Variants in THAP6 observed in about 807,000 individuals in gnomAD.
THAP6 encodes THAP domain-containing protein 6.
THAP6 carries 13 observed loss-of-function variants against 20.0 expected under a neutral mutation model. The observed-to-expected ratio is 0.65, with a 90% confidence interval of 0.42 to 1.03. The LOEUF (loss-of-function observed/expected upper bound fraction) is 1.03. THAP6 is among the 50% of genes least tolerant of loss of function. THAP6 has a pLI of 0.00. For synonymous variants in THAP6, 93 were observed against 92.2 expected, an observed-to-expected ratio of 1.01 and a Z score of -0.05; for missense variants, 262 against 261.6, an observed-to-expected ratio of 1.00 and a Z score of -0.01.
intron 2 of THAP6, 148 bp downstream of exon 2, chr4:75,515,680 C>T: frequency 7.7e-6 from 5 of 647,914 alleles, no homozygotes; most frequent in Non-Finnish European, 1.3e-5. Flanking sequence ...AATGTGATAC[C>T]TTTACATGTT....
chr4:75,534,135 C>A (rs897535152), downstream of THAP6, among the ~76,000 whole-genome samples: 1 of 152,142 alleles, frequency 6.6e-6, no homozygotes, highest in Non-Finnish European at 1.5e-5. Flanking sequence ...GTATATGTGC[C>A]ACATTTTCTT....
chr4:75,514,115 A>G, upstream of THAP6: 5 of 1,545,452 alleles, frequency 3.2e-6, no homozygotes, highest in Non-Finnish European at 4.4e-6. Context: ...TCAAACTTAA[A>G]TCCAAGCCTA....
chr4:75,528,118 G>A lies in THAP6; in HGVS notation c.*904G>A. 1.0e-6 allele frequency: 1 copy of A among 984,866 alleles called. No homozygotes were observed. The highest frequency in any genetic ancestry group is 1.2e-6 in the Non-Finnish European group (1 of 829,526). 61.0% of individuals were successfully genotyped at this position (984,866 alleles called of 1,614,324 possible). On this transcript the variant is annotated 3_prime_UTR_variant, in exon 5 of 5. Coordinates refer to ENST00000311638, the MANE Select transcript of THAP6 (RefSeq NM_144721.6). ...AAGAAACCATTAGAAATTAATAACTGTGGCTCTTCCAGTTGAAATAGGAAT... is the reference window on the plus strand; with the variant it reads ...AAGAAACCATTAGAAATTAATAACTATGGCTCTTCCAGTTGAAATAGGAAT...
At chr4:75,520,123 T>C (rs1725930786) in intron 3 of THAP6, among the ~76,000 whole-genome samples, 1 of 152,234 alleles carries the variant, frequency 6.6e-6, no homozygotes. Context: ...TGCGTAAATA[T>C]CTTCTTTTGA....
chr4:75,546,792 C>G (rs1446747119), intron 3 of THAP6, among the ~76,000 whole-genome samples: 2 of 152,136 alleles, frequency 1.3e-5, no homozygotes, highest in Non-Finnish European at 2.9e-5. Context: ...TCCATTCCAG[C>G]CTTCAGTTGA....
In THAP6 at chr4:75,528,686, G is replaced by A. The variant is rs903590738; in HGVS notation, c.*1472G>A. 1.8e-5 allele frequency: 18 copies of A among 983,156 alleles called. No individual in the cohort carries two copies. Among genetic ancestry groups the A allele is most frequent in the Middle Eastern group, 1.0e-3 (2 of 1,934 alleles). The allele number at this position is 983,156 out of a possible 1,614,324, so 60.9% of individuals were successfully genotyped here. ...TTTAACCCACATCTGCGAGATCAGC[G>A]TTATGCTAAGAGGAAATCACTGAGG... is the stretch of plus-strand genomic sequence containing the variant. On this transcript the variant is annotated 3_prime_UTR_variant, in exon 5 of 5. Coordinates refer to ENST00000311638, the MANE Select transcript of THAP6 (RefSeq NM_144721.6).
At chr4:75,535,620 A>G (rs1375970737) in intron 2 of THAP6, among the ~76,000 whole-genome samples, 5 of 152,264 alleles carry the variant, frequency 3.3e-5, no homozygotes, top group Non-Finnish European at 7.3e-5. Context: ...AGGTCCCTCT[A>G]GTTATGAAAA....
chr4:75,528,174 G>A lies in THAP6; in HGVS notation c.*960G>A. On this transcript the variant is annotated 3_prime_UTR_variant, in exon 5 of 5. Transcript: ENST00000311638. ...AGAAAGGATTAGAATATTTTAATTA[G>A]GGGAGTAGATTATTGTCCAAAGGCT... The A allele has an allele frequency of 1.0e-6, 1 of 985,100 alleles. No homozygotes were observed. The highest frequency in any genetic ancestry group is 4.7e-5 in the South Asian group (1 of 21,286). 61.0% of individuals were successfully genotyped at this position (985,100 alleles called of 1,614,324 possible).
chr4:75,516,944 A>G lies in THAP6; in HGVS notation c.253A>G (p.Ile85Val). The change falls in exon 3 of 5, where the codon ATA becomes GTA. Residue 85 changes from isoleucine (I) to valine (V), a missense_variant. Transcript: ENST00000311638. ...AAATATTAAACTGAAACCTGGAGTC[A>G]TACCTTCTATCTTTGATTCTCCATA... Reference protein sequence around the residue: ...APNIKLKPGVIPSIFDSPYHL... With the variant: ...APNIKLKPGVVPSIFDSPYHL... The G allele has an allele frequency of 6.2e-7, 1 of 1,613,558 alleles. No individual in the cohort carries two copies. Among genetic ancestry groups the G allele is most frequent in the Non-Finnish European group, 8.5e-7 (1 of 1,179,952 alleles).
chr4:75,524,248 G>A (rs1726225261), intron 4 of THAP6, among the ~76,000 whole-genome samples: 1 of 151,998 alleles, frequency 6.6e-6, no homozygotes, highest in Non-Finnish European at 1.5e-5. Context: ...CAATCTTTGT[G>A]CTATTGCTGT....
intron 3 of THAP6, among the ~76,000 whole-genome samples, chr4:75,545,925 G>A (rs1727118172): frequency 6.6e-6 from 1 of 152,174 alleles, no homozygotes; most frequent in Non-Finnish European, 1.5e-5. Flanking sequence ...GAGGGTGTGA[G>A]AGGCAGCTCT....
In THAP6 at chr4:75,528,624, T is replaced by G; in HGVS notation, c.*1410T>G. The G allele has an allele frequency of 3.0e-6, 3 of 985,052 alleles. No individual in the cohort carries two copies. Among genetic ancestry groups the G allele is most frequent in the Non-Finnish European group, 3.6e-6 (3 of 829,574 alleles). The allele number at this position is 985,052 out of a possible 1,614,324, so 61.0% of individuals were successfully genotyped here. On this transcript the variant is annotated 3_prime_UTR_variant, in exon 5 of 5. Transcript: ENST00000311638. ...TTTTCTGTTTTAATGCATGTTATAC[T>G]TTTATGTAGGATTCCAAACCTTCCC...
chr4:75,539,948 A>C, intron 2 of THAP6: 3 of 1,536,042 alleles, frequency 2.0e-6, no homozygotes, highest in Non-Finnish European at 2.6e-6. Context: ...GTGGACAGGC[A>C]ACAGTGGTCA....
At chr4:75,538,399 C>T (rs1325245424) in intron 2 of THAP6, among the ~76,000 whole-genome samples, 2 of 146,644 alleles carry the variant, frequency 1.4e-5, no homozygotes, top group African/African-American at 5.0e-5. Flanking sequence ...AAAAAAAAAA[C>T]AGGAACATAA....
In THAP6 at chr4:75,528,498, A is replaced by T. The variant is rs564824140; in HGVS notation, c.*1284A>T. 3.0e-6 allele frequency: 3 copies of T among 985,338 alleles called. No homozygotes were observed. The highest frequency in any genetic ancestry group is 2.3e-4 in the East Asian group (2 of 8,820). 61.0% of individuals were successfully genotyped at this position (985,338 alleles called of 1,614,324 possible). A position where few individuals can be genotyped will look rare whatever the true frequency, so the allele number is the denominator to read the frequency against. ...ATCAGCCATTTCATTGTAGTAACAAAAATTGAATTGCATTTTGTGCTCAGT... is the reference window on the plus strand; with the variant it reads ...ATCAGCCATTTCATTGTAGTAACAATAATTGAATTGCATTTTGTGCTCAGT... On this transcript the variant is annotated 3_prime_UTR_variant, in exon 5 of 5. Coordinates refer to ENST00000311638, the MANE Select transcript of THAP6 (RefSeq NM_144721.6).
Position 75,528,540 on chromosome 4 carries a change from AT to A in THAP6, c.*1331del. 6 of 983,416 alleles carry A rather than the reference AT, an allele frequency of 6.1e-6. No homozygotes were observed. The highest frequency in any genetic ancestry group is 7.2e-6 in the Non-Finnish European group (6 of 828,172). The allele number at this position is 983,416 out of a possible 1,614,324, so 60.9% of individuals were successfully genotyped here. On this transcript the variant is annotated 3_prime_UTR_variant, in exon 5 of 5. Transcript: ENST00000311638. ...GTGCTCAGTTGTTTATTGTAATTTTATTTTTGTTACATTAATATTAGTTAAG... is the reference window on the plus strand; with the variant it reads ...GTGCTCAGTTGTTTATTGTAATTTTATTTTGTTACATTAATATTAGTTAAG...
downstream of THAP6, among the ~76,000 whole-genome samples, chr4:75,530,470 A>G (rs1472044149): frequency 6.6e-6 from 1 of 152,198 alleles, no homozygotes; most frequent in African/African-American, 2.4e-5. Flanking sequence ...CCTGAATTTC[A>G]TAAGTTTTAT....
chr4:75,514,378 GC>G (rs565841054), upstream of THAP6: 115 of 1,385,970 alleles, frequency 8.3e-5, no homozygotes, highest in South Asian at 1.5e-3. Context: ...ACCCCTCCCA[GC>G]CCCAGCGGCC....
In THAP6 at chr4:75,517,033, T is replaced by TA. The variant is rs1249535879; in HGVS notation, c.288+54_288+55insA. 3 of 1,402,948 alleles carry TA rather than the reference T, an allele frequency of 2.1e-6. No individual in the cohort carries two copies. The East Asian group carries it at 7.0e-5, about 33-fold the overall frequency. The allele number at this position is 1,402,948 out of a possible 1,614,324, so 86.9% of individuals were successfully genotyped here. ...ATTGCTCACTTTTTTTTTTTTTTTT[T>TA]TTTGAGATAGAGTCTCGCTCTGTCA... On this transcript the variant is annotated intron_variant, in intron 3 of 4. Transcript: ENST00000311638.
Sources: gnomAD v4.1 joint callset for allele counts (sites outside exome capture counted in the v4.1 genomes callset) on GRCh38, gnomAD v4.1.1 for gene constraint, MANE v1.5 for transcripts, NCBI Gene and HGNC (gene_info 2026-07-23, HGNC 2026-07-21) for gene names.